Variants in TANC2 observed in about 807,000 individuals in gnomAD.
TANC2 encodes tetratricopeptide repeat, ankyrin repeat and coiled-coil containing 2.
A neutral mutation model predicts 210.5 loss-of-function variants in TANC2; 26 were observed. That is an observed-to-expected ratio of 0.12 (90% CI 0.09 to 0.17). TANC2 has a LOEUF of 0.17. TANC2 is among the 10% of genes least tolerant of loss of function. The probability of loss-of-function intolerance (pLI) is 1.00; values close to 1 mark genes in which losing one functional copy is unlikely to be tolerated. For synonymous variants in TANC2, 931 were observed against 967.1 expected (o/e 0.96, Z 0.69); for missense variants, 2,129 against 2,608.9 (o/e 0.82, Z 4.01).
chr17:63,023,149 C>T (rs1468742636), intron 2 of TANC2, among the ~76,000 whole-genome samples: 5 of 152,246 alleles, frequency 3.3e-5, no homozygotes, highest in Non-Finnish European at 7.3e-5. Flanking sequence ...GCTGCTGCTG[C>T]AGCCACTGGC....
At chr17:63,356,639 A>G (rs900544092) in intron 14 of TANC2, among the ~76,000 whole-genome samples, 11 of 152,180 alleles carry the variant, frequency 7.2e-5, no homozygotes, top group African/African-American at 2.7e-4. Flanking sequence ...TCTGAGAGGG[A>G]AGCTTTTTTA....
At chr17:63,022,213 G>A (rs1370195988) in intron 2 of TANC2, among the ~76,000 whole-genome samples, 2 of 151,624 alleles carry the variant, frequency 1.3e-5, no homozygotes, top group East Asian at 3.9e-4. Flanking sequence ...ATGGTGGTGG[G>A]CGCCTGTAAT....
intron 5 of TANC2, among the ~76,000 whole-genome samples, chr17:63,184,789 G>C (rs2040918143): frequency 6.6e-6 from 1 of 151,784 alleles, no homozygotes; most frequent in Non-Finnish European, 1.5e-5. Flanking sequence ...GAGTAGCTGG[G>C]ATTACAGGCG....
chr17:63,420,802 C>T lies in TANC2; in HGVS notation c.5072C>T (p.Pro1691Leu). ...CCCCAGCAAGGGCTCAGGCTACAGC[C>T]TGCCAAGGCCCAGATTGTGAGAAGT... The change falls in exon 28 of 28, where the codon CCT becomes CTT. Residue 1691 changes from proline (P) to leucine (L), a missense_variant. Coordinates refer to ENST00000689528, the Ensembl canonical transcript of TANC2. This position sits in a 1 kb window ranked among gnomAD's most constrained non-coding sequence, Gnocchi z 4.2. 6.2e-7 allele frequency: 1 copy of T among 1,614,046 alleles called. No homozygotes were observed. Among genetic ancestry groups the T allele is most frequent in the Non-Finnish European group, 8.5e-7 (1 of 1,179,898 alleles).
chr17:63,173,724 T>A (rs1034852746), intron 5 of TANC2, among the ~76,000 whole-genome samples: 1 of 152,188 alleles, frequency 6.6e-6, no homozygotes, highest in Non-Finnish European at 1.5e-5. Flanking sequence ...AATATTGGGG[T>A]GATCTTCACT....
chr17:63,340,339 A>T lies in TANC2; in HGVS notation c.1807+7A>T. 2 of 1,612,142 alleles carry T rather than the reference A, an allele frequency of 1.2e-6. No individual in the cohort carries two copies. Among genetic ancestry groups the T allele is most frequent in the Non-Finnish European group, 1.7e-6 (2 of 1,178,444 alleles). ...CTAGAAAATCTCCATAAAGGTACAGATAAGGCCCAAAGGAGGGGAAAGATG... is the reference window on the plus strand; with the variant it reads ...CTAGAAAATCTCCATAAAGGTACAGTTAAGGCCCAAAGGAGGGGAAAGATG... On this transcript the variant is annotated splice_region_variant and intron_variant, in intron 12 of 27. Coordinates refer to ENST00000689528, the Ensembl canonical transcript of TANC2.
chr17:63,214,970 G>GA (rs1488580336), intron 7 of TANC2, among the ~76,000 whole-genome samples: 1 of 152,122 alleles, frequency 6.6e-6, no homozygotes, highest in African/African-American at 2.4e-5. Context: ...AAAAGCCTTA[G>GA]AAAGGGTTAG....
chr17:62,978,306 T>A (rs935528573), intron 1 of TANC2, among the ~76,000 whole-genome samples: 1 of 152,246 alleles, frequency 6.6e-6, no homozygotes, highest in African/African-American at 2.4e-5. Context: ...CATTCTGAGA[T>A]AAAAACTACA....
intron 8 of TANC2, among the ~76,000 whole-genome samples, chr17:63,249,682 A>G (rs2043004397): frequency 6.6e-6 from 1 of 152,222 alleles, no homozygotes; most frequent in East Asian, 1.9e-4. Flanking sequence ...AGCAAACCCA[A>G]TCAGAAACTT....
At chr17:63,233,679 C>T (rs912314579) in intron 7 of TANC2, among the ~76,000 whole-genome samples, 1 of 152,232 alleles carries the variant, frequency 6.6e-6, no homozygotes, top group Admixed American at 6.5e-5. Flanking sequence ...TTGGCCCCTC[C>T]GGCCTGTTGT....
intron 4 of TANC2, among the ~76,000 whole-genome samples, chr17:63,137,146 G>A (rs766766719): frequency 5.9e-5 from 9 of 152,020 alleles, no homozygotes; most frequent in Non-Finnish European, 1.2e-4. Context: ...GGAGCATTCA[G>A]TAGAGATCCA....
chr17:63,350,887 A>G (rs1312691387), intron 12 of TANC2, among the ~76,000 whole-genome samples: 1 of 152,008 alleles, frequency 6.6e-6, no homozygotes, highest in Non-Finnish European at 1.5e-5. Flanking sequence ...AAAAAAAAAA[A>G]AAAAAAACAG....
chr17:63,249,070 T>TA (rs1194921120), intron 8 of TANC2, among the ~76,000 whole-genome samples: 1 of 152,130 alleles, frequency 6.6e-6, no homozygotes, highest in Non-Finnish European at 1.5e-5. Context: ...TTAAAATAGA[T>TA]AAAACAATTA....
intron 7 of TANC2, among the ~76,000 whole-genome samples, chr17:63,218,489 G>A (rs2042082447): frequency 6.6e-6 from 1 of 152,016 alleles, no homozygotes; most frequent in African/African-American, 2.4e-5. Flanking sequence ...GATGAATAAA[G>A]TAAGTAAATA....
At chr17:63,117,887 TAAG>T (rs2038313226) in intron 4 of TANC2, among the ~76,000 whole-genome samples, 1 of 152,228 alleles carries the variant, frequency 6.6e-6, no homozygotes, top group South Asian at 2.1e-4. Flanking sequence ...AGGAAGCCAT[TAAG>T]AAGCTGTATT....
At position 63,098,431 on chromosome 17, in the gene TANC2, TACACACACACACACACACAC is replaced by T. The variant is rs67245738; in HGVS notation, c.140-714_140-695del. On this transcript the variant is annotated intron_variant, in intron 3 of 27. Coordinates refer to ENST00000689528, the Ensembl canonical transcript of TANC2. ...TTTCACCCCTTGGTGGGCCTTAGAC[TACACACACACACACACACAC>T]ACACACACACACACACACACACACA... Among the ~76,000 whole-genome samples the T allele has an allele frequency of 1.5e-4, 14 of 93,306 alleles. 1 individual carries two copies. Among genetic ancestry groups the T allele is most frequent in the East Asian group, 2.8e-4 (1 of 3,628 alleles). The allele number at this position is 93,306 out of a possible 152,430, so 61.2% of individuals were successfully genotyped here.
exon 26 of TANC2, chr17:63,415,606 T>C (rs1323476786): frequency 6.2e-7 from 1 of 1,613,656 alleles, no homozygotes. Context: ...TGGTGAGGAC[T>C]TGAAAACTTT....
intron 9 of TANC2, among the ~76,000 whole-genome samples, chr17:63,274,654 A>T (rs1358620671): frequency 2.0e-5 from 3 of 151,828 alleles, no homozygotes; most frequent in Non-Finnish European, 4.4e-5. Context: ...TCTCTACTTT[A>T]AAAAAATACA....
At chr17:63,095,156 G>A (rs549469563) in intron 3 of TANC2, among the ~76,000 whole-genome samples, 1 of 152,034 alleles carries the variant, frequency 6.6e-6, no homozygotes, top group Non-Finnish European at 1.5e-5. Flanking sequence ...TGGAATGTTA[G>A]TGAGCAGAGA....
Sources: allele counts gnomAD v4.1 joint callset (sites outside exome capture counted in the v4.1 genomes callset), GRCh38; gene constraint gnomAD v4.1.1; non-coding constraint Gnocchi (gnomAD v3.1); transcripts MANE v1.5; gene names NCBI Gene and HGNC (gene_info 2026-07-23, HGNC 2026-07-21).